Variants in THEM4 observed in about 807,000 individuals in gnomAD.
The protein encoded by THEM4 is acyl-coenzyme A thioesterase THEM4.
Under a neutral mutation model 25.0 loss-of-function variants are expected in THEM4, and 22 were observed. That is an observed-to-expected ratio of 0.88 (90% CI 0.63 to 1.26). The LOEUF (loss-of-function observed/expected upper bound fraction) is 1.26. THEM4 is among the 50% of genes most tolerant of loss of function. The pLI is 0.00. For synonymous variants in THEM4, 113 were observed against 105.6 expected, an observed-to-expected ratio of 1.07 and a Z score of -0.43; for missense variants, 286 against 300.3, an observed-to-expected ratio of 0.95 and a Z score of 0.35.
intron 4 of THEM4, among the ~76,000 whole-genome samples, chr1:151,880,040 T>G (rs1244714916): frequency 2.0e-5 from 3 of 151,766 alleles, no homozygotes; most frequent in Non-Finnish European, 4.4e-5. Flanking sequence ...CAGTGGCTAT[T>G]CACAGGAGTT....
intron 2 of THEM4, among the ~76,000 whole-genome samples, chr1:151,892,133 G>A (rs2101724688): frequency 6.6e-6 from 1 of 152,240 alleles, no homozygotes; most frequent in East Asian, 1.9e-4. Flanking sequence ...GGGTAGCAAA[G>A]AGGATCTCAA....
intron 1 of THEM4, among the ~76,000 whole-genome samples, chr1:151,907,922 G>C (rs1007345690): frequency 2.0e-5 from 3 of 152,156 alleles, no homozygotes; most frequent in African/African-American, 4.8e-5. Context: ...TAGCCACACA[G>C]GGCATAAATG....
chr1:151,901,721 T>C (rs952910941), intron 1 of THEM4, among the ~76,000 whole-genome samples: 51 of 152,204 alleles, frequency 3.4e-4, no homozygotes, highest in African/African-American at 1.2e-3. Flanking sequence ...CATGCGCCTG[T>C]AATCCCAGCT....
chr1:151,908,147 T>A (rs1654514466), intron 1 of THEM4, among the ~76,000 whole-genome samples: 1 of 152,260 alleles, frequency 6.6e-6, no homozygotes, highest in African/African-American at 2.4e-5. Flanking sequence ...CAGTATACTT[T>A]TAAAGGAGGT....
intron 1 of THEM4, among the ~76,000 whole-genome samples, chr1:151,899,473 AGAGT>A (rs1654302718): frequency 2.8e-5 from 4 of 144,702 alleles, no homozygotes; most frequent in Admixed American, 7.2e-5. Context: ...CCTGGGCGAC[AGAGT>A]GAGTCAAAAA....
intron 1 of THEM4, among the ~76,000 whole-genome samples, chr1:151,906,164 C>T (rs574415439): frequency 2.6e-5 from 4 of 152,360 alleles, no homozygotes; most frequent in African/African-American, 4.8e-5. Context: ...ACCAGGGCTG[C>T]GCGGGGTGCT....
At chr1:151,908,937 C>T (rs1157982800) in intron 1 of THEM4, among the ~76,000 whole-genome samples, 1 of 151,996 alleles carries the variant, frequency 6.6e-6, no homozygotes, top group Non-Finnish European at 1.5e-5. Context: ...ATTAATTGAC[C>T]TAAAGGAAGA....
At chr1:151,892,093 G>A (rs1654107164) in intron 2 of THEM4, among the ~76,000 whole-genome samples, 1 of 152,084 alleles carries the variant, frequency 6.6e-6, no homozygotes, top group Non-Finnish European at 1.5e-5. Context: ...TTTTTAAGAT[G>A]AGGGGAAGTA....
At chr1:151,875,737 T>C (rs931321273) in intron 5 of THEM4, among the ~76,000 whole-genome samples, 4 of 152,082 alleles carry the variant, frequency 2.6e-5, no homozygotes, top group Non-Finnish European at 4.4e-5. Context: ...TATAGTCATT[T>C]GACTGGCAAA....
chr1:151,906,072 G>C (rs1654455283), intron 1 of THEM4, among the ~76,000 whole-genome samples: 1 of 152,248 alleles, frequency 6.6e-6, no homozygotes, highest in African/African-American at 2.4e-5. Context: ...CTGCACTGTG[G>C]GAGCGCCTTT....
chr1:151,879,063 T>G (rs576651426), intron 4 of THEM4, among the ~76,000 whole-genome samples: 28 of 152,276 alleles, frequency 1.8e-4, no homozygotes, highest in African/African-American at 5.8e-4. Context: ...TAGCTGAAAT[T>G]TTTTAAAAAT....
chr1:151,902,183 A>T (rs536096138), intron 1 of THEM4, among the ~76,000 whole-genome samples: 2 of 152,366 alleles, frequency 1.3e-5, no homozygotes, highest in South Asian at 4.1e-4. Flanking sequence ...TGCTGGTGGG[A>T]ATGTAAACTA....
rs1266176043 is a variant in THEM4 at position 151,909,484 on chromosome 1, G to C, written c.-26C>G. 7.3e-7 allele frequency: 1 copy of C among 1,364,358 alleles called. No homozygotes were observed. The highest frequency in any genetic ancestry group is 1.5e-5 in the African/African-American group (1 of 65,124). 84.5% of individuals were successfully genotyped at this position (1,364,358 alleles called of 1,614,324 possible). Reference sequence around the variant, plus strand: ...GGCTCCGGGCCGCGGGGCCGCGCTTGCTCTAGCCCTGGACGGCGCACTCTA... The same window carrying C: ...GGCTCCGGGCCGCGGGGCCGCGCTTCCTCTAGCCCTGGACGGCGCACTCTA... On this transcript the variant is annotated 5_prime_UTR_variant, in exon 1 of 6. Transcript: ENST00000368814.
At chr1:151,884,392 C>G (rs918977640) in intron 4 of THEM4, among the ~76,000 whole-genome samples, 3 of 152,152 alleles carry the variant, frequency 2.0e-5, no homozygotes, top group African/African-American at 7.2e-5. Flanking sequence ...TTCACATTTA[C>G]CCCTCTTGTT....
At chr1:151,909,272 G>T in intron 1 of THEM4, 88 bp downstream of exon 1, 2 of 1,114,886 alleles carry the variant, frequency 1.8e-6, no homozygotes, top group Non-Finnish European at 2.5e-6. Context: ...TGGCTGGTTG[G>T]GGTATGGATA....
chr1:151,893,162 AG>A (rs1398256405), intron 2 of THEM4, among the ~76,000 whole-genome samples: 1 of 152,098 alleles, frequency 6.6e-6, no homozygotes, highest in Non-Finnish European at 1.5e-5. Context: ...ACTTGAATTT[AG>A]GAGTTCGAGA....
rs189792648 is a variant in THEM4, at chr1:151,893,922, C to T, written c.286+1086G>A. Among the ~76,000 whole-genome samples, 18 of 151,500 alleles carry T rather than the reference C, an allele frequency of 1.2e-4. No individual in the cohort carries two copies. In the East Asian group the frequency reaches 2.1e-3, roughly 18 times the overall value. On this transcript the variant is annotated intron_variant, in intron 2 of 5. Transcript: ENST00000368814. The stretch of plus-strand genomic sequence containing the variant: ...TTGCCCAGGATGGAGTGCAGTGGCG[C>T]GATCTCAGCTCACTGCAACCTCTGC...
intron 4 of THEM4, among the ~76,000 whole-genome samples, chr1:151,884,717 C>T (rs1424959506): frequency 1.4e-5 from 2 of 144,874 alleles, no homozygotes; most frequent in African/African-American, 2.6e-5. Flanking sequence ...GAGATGGAGT[C>T]TCACTCTGTC....
chr1:151,893,489 A>T (rs1171430245), intron 2 of THEM4, among the ~76,000 whole-genome samples: 1 of 152,030 alleles, frequency 6.6e-6, no homozygotes, highest in Non-Finnish European at 1.5e-5. Context: ...ATATGCTGAT[A>T]CGAAACATCT....
Sources: allele counts gnomAD v4.1 joint callset (sites outside exome capture counted in the v4.1 genomes callset), GRCh38; gene constraint gnomAD v4.1.1; transcripts MANE v1.5; gene names NCBI Gene and HGNC (gene_info 2026-07-23, HGNC 2026-07-21).